Variants in GPC6 observed in about 807,000 individuals in gnomAD.
GPC6 encodes the protein glypican-6.
Under a neutral mutation model 55.2 loss-of-function variants are expected in GPC6, and 14 were observed. The ratio of observed to expected loss-of-function variants is 0.25; its 90% CI spans 0.17 to 0.40. The LOEUF is 0.40. Ranked by LOEUF, GPC6 falls within the 10% of genes least tolerant of loss-of-function variation. The pLI, the probability that GPC6 is intolerant of heterozygous loss-of-function variation, is 1.00. For missense variants in GPC6, 641 were observed against 708.5 expected (o/e 0.90, Z 1.08); for synonymous variants, 278 against 259.6 (o/e 1.07, Z -0.68).
intron 4 of GPC6, among the ~76,000 whole-genome samples, chr13:94,149,524 C>A (rs1484315796): frequency 6.6e-6 from 1 of 152,090 alleles, no homozygotes; most frequent in Non-Finnish European, 1.5e-5. Context: ...CATTGAACAT[C>A]CATGCAGAAC....
chr13:94,136,288 A>T (rs1226799878), intron 4 of GPC6, among the ~76,000 whole-genome samples: 1 of 151,480 alleles, frequency 6.6e-6, no homozygotes, highest in Non-Finnish European at 1.5e-5. Flanking sequence ...TGGAAAATAG[A>T]GTCTTTGGGG....
At chr13:93,365,612 A>C (rs996398117) in intron 1 of GPC6, among the ~76,000 whole-genome samples, 1 of 152,080 alleles carries the variant, frequency 6.6e-6, no homozygotes, top group African/African-American at 2.4e-5. Context: ...AAATACCCTC[A>C]CCATATGTGC....
chr13:93,325,596 G>A (rs1879625826), intron 1 of GPC6, among the ~76,000 whole-genome samples: 1 of 152,052 alleles, frequency 6.6e-6, no homozygotes, highest in Non-Finnish European at 1.5e-5. Context: ...AAAGAGTAAT[G>A]GAGGAAAATC....
upstream of GPC6, among the ~76,000 whole-genome samples, chr13:93,225,264 A>C (rs1875731225): frequency 6.6e-6 from 1 of 152,194 alleles, no homozygotes; most frequent in Non-Finnish European, 1.5e-5. Context: ...AATATGACAG[A>C]AGTAATAACT....
At chr13:94,045,712 A>G (rs954855484) in intron 4 of GPC6, among the ~76,000 whole-genome samples, 2 of 151,506 alleles carry the variant, frequency 1.3e-5, no homozygotes, top group Non-Finnish European at 3.0e-5. Context: ...TTAGCAATAT[A>G]GAAACCAGAG....
chr13:94,345,225 G>A (rs560402632), intron 6 of GPC6, among the ~76,000 whole-genome samples: 2 of 152,182 alleles, frequency 1.3e-5, no homozygotes, highest in African/African-American at 4.8e-5. Flanking sequence ...GAAGACACCT[G>A]CAGGTCAATA....
intron 3 of GPC6, among the ~76,000 whole-genome samples, chr13:94,013,107 G>A (rs887581132): frequency 7.9e-5 from 12 of 152,072 alleles, no homozygotes; most frequent in Admixed American, 5.9e-4. Context: ...TGATGTGTTC[G>A]ACTGGGTAAA....
At chr13:93,297,119 C>T (rs1355323285) in intron 1 of GPC6, among the ~76,000 whole-genome samples, 2 of 152,160 alleles carry the variant, frequency 1.3e-5, no homozygotes, top group African/African-American at 2.4e-5. Flanking sequence ...CTTGTATGTG[C>T]ATCCTTATAT....
chr13:94,180,588 TA>T (rs1888956845), intron 4 of GPC6, among the ~76,000 whole-genome samples: 1 of 152,200 alleles, frequency 6.6e-6, no homozygotes, highest in Non-Finnish European at 1.5e-5. Context: ...GACGGTTCAC[TA>T]AAGAGATAAT....
At position 94,025,499 on chromosome 13, in the gene GPC6, C is replaced by CT. The variant is rs545846446; in HGVS notation, c.712-2228dup. On this transcript the variant is annotated intron_variant, in intron 3 of 8. Transcript: ENST00000377047. ...CAGTGCTGCTCAGTTACGGGTAAAA[C>CT]TTGGCACTATCTCCCATCCAAGTAC... is the stretch of plus-strand genomic sequence containing the variant. 1.3e-4 allele frequency: 20 copies of CT among 149,128 alleles called. No homozygotes were observed. In the South Asian group the frequency reaches 4.2e-3, roughly 32 times the overall value. The allele number at this position is 149,128 out of a possible 1,614,324, so 9.2% of individuals were successfully genotyped here.
chr13:93,856,253 G>T (rs1888605945), intron 3 of GPC6, among the ~76,000 whole-genome samples: 1 of 151,532 alleles, frequency 6.6e-6, no homozygotes, highest in African/African-American at 2.4e-5. Context: ...CTACTCAACA[G>T]CAGCTGAAAG....
At chr13:93,314,897 T>C (rs987400141) in intron 1 of GPC6, among the ~76,000 whole-genome samples, 8 of 152,100 alleles carry the variant, frequency 5.3e-5, no homozygotes, top group African/African-American at 1.9e-4. Flanking sequence ...TTTTGTTTTG[T>C]TTTGTTTGTT....
At chr13:93,743,904 T>A (rs1161161335) in intron 2 of GPC6, among the ~76,000 whole-genome samples, 1 of 152,210 alleles carries the variant, frequency 6.6e-6, no homozygotes, top group African/African-American at 2.4e-5. Flanking sequence ...AAGGTTTTTT[T>A]AAGTTTTCTG....
At chr13:94,080,537 G>C (rs536775420) in intron 4 of GPC6, among the ~76,000 whole-genome samples, 34 of 152,094 alleles carry the variant, frequency 2.2e-4, no homozygotes, top group Admixed American at 2.0e-3. Flanking sequence ...TTCATTCTAA[G>C]GGTATGTTTA....
intron 4 of GPC6, among the ~76,000 whole-genome samples, chr13:94,104,118 C>A (rs914688875): frequency 6.6e-6 from 1 of 152,166 alleles, no homozygotes; most frequent in African/African-American, 2.4e-5. Flanking sequence ...CCAGTTTTCC[C>A]AGCACCATTT....
At chr13:93,656,714 TA>T (rs1415990022) in intron 2 of GPC6, among the ~76,000 whole-genome samples, 2 of 152,062 alleles carry the variant, frequency 1.3e-5, no homozygotes, top group Non-Finnish European at 2.9e-5. Context: ...AGATGGGTTT[TA>T]AAAAATCATT....
At chr13:94,377,116 T>C (rs1879904196) in intron 6 of GPC6, among the ~76,000 whole-genome samples, 2 of 149,966 alleles carry the variant, frequency 1.3e-5, no homozygotes, top group South Asian at 4.2e-4. Flanking sequence ...AACCTAGGCA[T>C]TACCATTCAG....
chr13:94,099,971 G>A (rs1026529810), intron 4 of GPC6, among the ~76,000 whole-genome samples: 7 of 152,092 alleles, frequency 4.6e-5, no homozygotes, highest in African/African-American at 1.7e-4. Context: ...AGGGTAGAGG[G>A]TGGGAGGAGG....
chr13:93,530,625 A>G (rs1281767805), intron 1 of GPC6, among the ~76,000 whole-genome samples: 2 of 152,154 alleles, frequency 1.3e-5, no homozygotes, highest in Non-Finnish European at 2.9e-5. Context: ...CGATTGTTAA[A>G]ATTTCAGGAA....
Sources: gnomAD v4.1 joint callset for allele counts (sites outside exome capture counted in the v4.1 genomes callset) on GRCh38, gnomAD v4.1.1 for gene constraint, MANE v1.5 for transcripts, NCBI Gene and HGNC (gene_info 2026-07-23, HGNC 2026-07-21) for gene names.